DNAJC15: variants seen among roughly 807,000 people sequenced by gnomAD.
The protein encoded by DNAJC15 is DnaJ heat shock protein family (Hsp40) member C15.
In DNAJC15, 27 loss-of-function variants were observed where a neutral mutation model predicts 22.4. The ratio of observed to expected loss-of-function variants is 1.20; its 90% CI spans 0.89 to 1.66. DNAJC15 has a LOEUF of 1.66. DNAJC15 is among the 40% of genes most tolerant of loss of function. The pLI is 0.00. For synonymous variants in DNAJC15, 79 were observed against 63.2 expected (o/e 1.25, Z -1.19); for missense variants, 208 against 187.1 (o/e 1.11, Z -0.65).
intron 5 of DNAJC15, among the ~76,000 whole-genome samples, chr13:43,101,145 A>G (rs2040767016): frequency 6.6e-6 from 1 of 152,184 alleles, no homozygotes; most frequent in Admixed American, 6.5e-5. Flanking sequence ...CTTCAAATCT[A>G]AAGTGTGTCT....
intron 1 of DNAJC15, among the ~76,000 whole-genome samples, chr13:43,064,392 G>A (rs1566207989): frequency 2.0e-5 from 3 of 152,092 alleles, no homozygotes; most frequent in Admixed American, 6.6e-5. Flanking sequence ...TTTGGTTTTA[G>A]CCTCCCTTTA....
At chr13:43,100,192 A>G (rs1344985089) in intron 5 of DNAJC15, among the ~76,000 whole-genome samples, 1 of 147,286 alleles carries the variant, frequency 6.8e-6, no homozygotes, top group African/African-American at 2.5e-5. Flanking sequence ...GTTGAAGGTT[A>G]AGTTATTGAA....
At chr13:43,088,892 C>G (rs1319126369) in intron 5 of DNAJC15, among the ~76,000 whole-genome samples, 2 of 145,894 alleles carry the variant, frequency 1.4e-5, no homozygotes, top group Non-Finnish European at 3.0e-5. Flanking sequence ...GAGGGTTCAT[C>G]TTTCTTTTCC....
chr13:43,048,322 A>T (rs2040486803), intron 1 of DNAJC15, among the ~76,000 whole-genome samples: 1 of 133,348 alleles, frequency 7.5e-6, no homozygotes, highest in Admixed American at 7.6e-5. Context: ...TCTACTAAAA[A>T]TACAAAAAAA....
chr13:43,041,724 A>G (rs2040455021), intron 1 of DNAJC15, among the ~76,000 whole-genome samples: 1 of 152,252 alleles, frequency 6.6e-6, no homozygotes, highest in Non-Finnish European at 1.5e-5. Flanking sequence ...TCTATGATTC[A>G]GAAGTAGAGT....
intron 1 of DNAJC15, among the ~76,000 whole-genome samples, chr13:43,025,604 A>C (rs1261269969): frequency 6.6e-6 from 1 of 152,228 alleles, no homozygotes; most frequent in Non-Finnish European, 1.5e-5. Flanking sequence ...ATATTTTATT[A>C]GACAATAACA....
chr13:43,025,485 T>G (rs1365503481), intron 1 of DNAJC15, among the ~76,000 whole-genome samples: 3 of 152,228 alleles, frequency 2.0e-5, no homozygotes, highest in Non-Finnish European at 2.9e-5. Context: ...ACTGTCTGTG[T>G]CCTGTAATAT....
intron 3 of DNAJC15, among the ~76,000 whole-genome samples, chr13:43,076,744 C>T (rs2040635720): frequency 6.6e-6 from 1 of 152,150 alleles, no homozygotes. Context: ...TTGCTGTCTC[C>T]ATTCCTTTCT....
In DNAJC15 at chr13:43,108,479, C is replaced by T. The variant is rs1440340207; in HGVS notation, c.*1231C>T. 3 of 152,162 alleles carry T rather than the reference C, an allele frequency of 2.0e-5. No homozygotes were observed. Among genetic ancestry groups the T allele is most frequent in the Non-Finnish European group, 4.4e-5 (3 of 68,026 alleles). The allele number at this position is 152,162 out of a possible 1,614,324, so 9.4% of individuals were successfully genotyped here. A position where few individuals can be genotyped will look rare whatever the true frequency, so the allele number is the denominator to read the frequency against. On this transcript the variant is annotated 3_prime_UTR_variant, in exon 6 of 6. Coordinates refer to ENST00000379221, the MANE Select transcript of DNAJC15 (RefSeq NM_013238.3). Reference sequence around the variant, plus strand: ...AGCATTGTTTCCCAGTATTCCTTTACAAATCTTGGGTTCATTCCAGGTAAA... The same window carrying T: ...AGCATTGTTTCCCAGTATTCCTTTATAAATCTTGGGTTCATTCCAGGTAAA...
intron 1 of DNAJC15, among the ~76,000 whole-genome samples, chr13:43,027,621 G>A (rs1182424678): frequency 6.6e-6 from 1 of 151,762 alleles, no homozygotes; most frequent in African/African-American, 2.4e-5. Flanking sequence ...AGCTTACATT[G>A]GTAATCACAT....
chr13:43,075,568 C>G (rs373181346), intron 3 of DNAJC15, among the ~76,000 whole-genome samples: 4 of 152,114 alleles, frequency 2.6e-5, no homozygotes, highest in East Asian at 3.8e-4. Flanking sequence ...TTTGTTATGA[C>G]TAAATCAACT....
intron 4 of DNAJC15, among the ~76,000 whole-genome samples, chr13:43,080,976 A>G (rs966202216): frequency 4.6e-5 from 7 of 152,218 alleles, no homozygotes; most frequent in African/African-American, 1.4e-4. Context: ...TGTGTAGACT[A>G]TATAACAGGT....
rs1026017631 is a variant in DNAJC15, at chr13:43,113,655, G to A, written c.*6407G>A. 7.2e-5 allele frequency: 11 copies of A among 152,234 alleles called. No individual in the cohort carries two copies. The highest frequency in any genetic ancestry group is 2.7e-4 in the African/African-American group (11 of 41,464). The allele number at this position is 152,234 out of a possible 1,614,324, so 9.4% of individuals were successfully genotyped here. A position where few individuals can be genotyped will look rare whatever the true frequency, so the allele number is the denominator to read the frequency against. On this transcript the variant is annotated 3_prime_UTR_variant, in exon 6 of 6. Coordinates refer to ENST00000379221, the MANE Select transcript of DNAJC15 (RefSeq NM_013238.3). ...GAGTGTATTCCAAAGCTAACTCAGT[G>A]ATCTTTCCATTTATCTATTCTTGGA... is the stretch of plus-strand genomic sequence containing the variant.
intron 4 of DNAJC15, among the ~76,000 whole-genome samples, chr13:43,080,037 T>A (rs1290524548): frequency 6.6e-6 from 1 of 152,206 alleles, no homozygotes; most frequent in East Asian, 1.9e-4. Flanking sequence ...AAGATTAAAT[T>A]ATATAATATA....
In DNAJC15 at chr13:43,032,963, A is replaced by G. The variant is rs1396526409; in HGVS notation, c.108+9229A>G. On this transcript the variant is annotated intron_variant, in intron 1 of 5. Transcript: ENST00000379221. ...GAGAGACCTTGCAAAACTTACAATC[A>G]TGGCAGAAGACAGAGTGGGAGCCAC... is the stretch of plus-strand genomic sequence containing the variant. 2.6e-5 allele frequency among the ~76,000 whole-genome samples: 4 copies of G among 152,352 alleles called. No individual in the cohort carries two copies. The East Asian group carries it at 7.7e-4, about 29-fold the overall frequency.
At position 43,036,987 on chromosome 13, in the gene DNAJC15, C is replaced by T. The variant is rs550205752; in HGVS notation, c.108+13253C>T. On this transcript the variant is annotated intron_variant, in intron 1 of 5. Coordinates refer to ENST00000379221, the MANE Select transcript of DNAJC15 (RefSeq NM_013238.3). ...GGGACTTCCTGGGCCCCTGAGAGTG[C>T]GGTTGGGCGGCTGCAGCTGCTCCTG... is the stretch of plus-strand genomic sequence containing the variant. 3.3e-5 allele frequency among the ~76,000 whole-genome samples: 5 copies of T among 152,288 alleles called. No homozygotes were observed. In the South Asian group the frequency reaches 6.2e-4, roughly 19 times the overall value.
At chr13:43,099,187 G>T (rs2040755156) in intron 5 of DNAJC15, among the ~76,000 whole-genome samples, 1 of 151,812 alleles carries the variant, frequency 6.6e-6, no homozygotes, top group Non-Finnish European at 1.5e-5. Flanking sequence ...TTATTTTCAG[G>T]TTGTTTATTA....
At chr13:43,084,752 AT>A (rs2153441558) in intron 4 of DNAJC15, among the ~76,000 whole-genome samples, 1 of 152,340 alleles carries the variant, frequency 6.6e-6, no homozygotes, top group South Asian at 2.1e-4. Context: ...TACCCAAATA[AT>A]TTTAGGATTA....
rs538884051 is a variant in DNAJC15 at position 43,034,600 on chromosome 13, C to T, written c.108+10866C>T. On this transcript the variant is annotated intron_variant, in intron 1 of 5. Transcript: ENST00000379221. Reference sequence around the variant, plus strand: ...AAAGTGCTAGGATTACAGGCGTGAGCCACCGCACCCAGCCGAGATTGTCCT... The same window carrying T: ...AAAGTGCTAGGATTACAGGCGTGAGTCACCGCACCCAGCCGAGATTGTCCT... Among the ~76,000 whole-genome samples the T allele has an allele frequency of 7.3e-5, 10 of 136,910 alleles. No homozygotes were observed. In the South Asian group the frequency reaches 1.0e-3, roughly 14 times the overall value. 89.8% of individuals were successfully genotyped at this position (136,910 alleles called of 152,430 possible).
Sources: gnomAD v4.1 joint callset for allele counts (sites outside exome capture counted in the v4.1 genomes callset) on GRCh38, gnomAD v4.1.1 for gene constraint, MANE v1.5 for transcripts, NCBI Gene and HGNC (gene_info 2026-07-23, HGNC 2026-07-21) for gene names.